Variants in THAP4 observed in about 807,000 individuals in gnomAD.
THAP4 encodes the protein peroxynitrite isomerase THAP4.
A neutral mutation model predicts 48.1 loss-of-function variants in THAP4; 18 were observed. The observed-to-expected ratio is 0.37, with a 90% CI of 0.26 to 0.56. The LOEUF (loss-of-function observed/expected upper bound fraction) is 0.56. THAP4 is among the 20% of genes least tolerant of loss of function. The probability of loss-of-function intolerance (pLI) is 0.78; values close to 1 mark genes in which losing one functional copy is unlikely to be tolerated. For synonymous variants in THAP4, 345 were observed against 324.9 expected, an observed-to-expected ratio of 1.06 and a Z score of -0.66; for missense variants, 656 against 774.9, an observed-to-expected ratio of 0.85 and a Z score of 1.82.
At chr2:241,629,623 G>A (rs1219887122) in intron 2 of THAP4, among the ~76,000 whole-genome samples, 2 of 151,826 alleles carry the variant, frequency 1.3e-5, no homozygotes, top group Non-Finnish European at 2.9e-5. Flanking sequence ...TCTACAAAAA[G>A]ACTTTTGGAT....
intron 5 of THAP4, among the ~76,000 whole-genome samples, chr2:241,595,834 G>A (rs565319120): frequency 3.9e-5 from 6 of 152,312 alleles, no homozygotes; most frequent in East Asian, 3.9e-4. Flanking sequence ...CAGACACTGG[G>A]AGCAAGAACC....
intron 5 of THAP4, among the ~76,000 whole-genome samples, chr2:241,598,234 A>G (rs1234979871): frequency 6.6e-6 from 1 of 152,210 alleles, no homozygotes; most frequent in Non-Finnish European, 1.5e-5. Context: ...ACAAAGTAAA[A>G]GCACAGCTTA....
chr2:241,618,583 A>G (rs1425483365), intron 2 of THAP4, among the ~76,000 whole-genome samples: 2 of 152,234 alleles, frequency 1.3e-5, no homozygotes, highest in East Asian at 3.8e-4. Context: ...GTGAAAATCA[A>G]CAACTTTTCT....
In THAP4 at chr2:241,633,525, G is replaced by A. The variant is rs1308950384; in HGVS notation, c.632C>T (p.Thr211Ile). 1.2e-6 allele frequency: 2 copies of A among 1,613,994 alleles called. No individual in the cohort carries two copies. The highest frequency in any genetic ancestry group is 1.7e-6 in the Non-Finnish European group (2 of 1,180,028). The change falls in exon 2 of 6, where the codon ACA becomes ATA. Residue 211 changes from threonine (T) to isoleucine (I), a missense_variant. By Grantham distance (89) the Thr-to-Ile change is moderately conservative. This residue lies in a region of THAP4 where 391 missense variants were observed against 412.4 expected (regional missense o/e 0.95). Coordinates refer to ENST00000407315, the MANE Select transcript of THAP4 (RefSeq NM_015963.6). This position sits in a 1 kb window ranked among gnomAD's most constrained non-coding sequence, Gnocchi z 7.5. The part of the protein sequence containing the change: ...SATSSIEGGV[T>I]DKSGISMDDF... ...ATCCATAGAAATGCCACTCTTATCT[G>A]TCACGCCCCCTTCGATGGAGGAAGT...
At chr2:241,600,086 C>T (rs2067093821) in intron 5 of THAP4, among the ~76,000 whole-genome samples, 2 of 152,154 alleles carry the variant, frequency 1.3e-5, no homozygotes, top group Non-Finnish European at 2.9e-5. Context: ...ATCCCAGCTA[C>T]TCGGGAGGCT....
chr2:241,637,487 C>T, upstream of THAP4: 1 of 1,449,770 alleles, frequency 6.9e-7, no homozygotes, highest in Non-Finnish European at 9.0e-7. Context: ...CAGAACCAGC[C>T]GTCGTCCCAC....
chr2:241,606,345 A>T lies in THAP4; in HGVS notation c.1369T>A (p.Ser457Thr). ...TTCAGCATGGGCTGGCCCACGTGGGAGATGTGAACCTCCTCCAGGTACTGG... is the reference window on the plus strand; with the variant it reads ...TTCAGCATGGGCTGGCCCACGTGGGTGATGTGAACCTCCTCCAGGTACTGG... ...PFQYLEEVHI[S>T]HVGQPMLNFS... Residue 457 changes from serine to threonine, a missense_variant, in exon 3 of 6, where the codon TCC (serine) becomes ACC (threonine). Ser to Thr is a moderately conservative substitution (Grantham distance 58, BLOSUM62 1). Coordinates refer to ENST00000407315, the MANE Select transcript of THAP4 (RefSeq NM_015963.6). The T allele has an allele frequency of 6.4e-7, 1 of 1,567,578 alleles. No individual in the cohort carries two copies. Among genetic ancestry groups the T allele is most frequent in the Non-Finnish European group, 8.7e-7 (1 of 1,155,886 alleles).
At chr2:241,613,582 T>C (rs1014505001) in intron 2 of THAP4, among the ~76,000 whole-genome samples, 1 of 151,100 alleles carries the variant, frequency 6.6e-6, no homozygotes, top group African/African-American at 2.4e-5. Flanking sequence ...AGCAAAACAC[T>C]GTCTCTACCA....
Position 241,632,991 on chromosome 2 carries a change from T to C in THAP4, c.1166A>G (p.Lys389Arg). 6.2e-7 allele frequency: 1 copy of C among 1,613,766 alleles called. No homozygotes were observed. The highest frequency in any genetic ancestry group is 8.5e-7 in the Non-Finnish European group (1 of 1,179,936). The change falls in exon 2 of 6, where the codon AAG becomes AGG. Residue 389 changes from lysine to arginine, a missense_variant. Coordinates refer to ENST00000407315, the MANE Select transcript of THAP4 (RefSeq NM_015963.6). ...CAGCTCATCCAGCTTCTCCTGTAGC[T>C]TCCGCACCTGGCTGTCGGAGCGGCT... Reference protein sequence around the residue: ...RVSRSDSQVRKLQEKLDELRR... With the variant: ...RVSRSDSQVRRLQEKLDELRR...
intron 5 of THAP4, among the ~76,000 whole-genome samples, chr2:241,593,362 G>A (rs1244949899): frequency 1.3e-5 from 2 of 152,240 alleles, no homozygotes; most frequent in African/African-American, 2.4e-5. Flanking sequence ...TCCCGGGTGA[G>A]GACAGCACTG....
chr2:241,615,944 A>G (rs1470249550), intron 2 of THAP4, among the ~76,000 whole-genome samples: 1 of 152,192 alleles, frequency 6.6e-6, no homozygotes, highest in Admixed American at 6.5e-5. Flanking sequence ...ACACAGGCCC[A>G]GCCCGGCTGG....
At chr2:241,602,578 C>T (rs777179316) in intron 4 of THAP4, among the ~76,000 whole-genome samples, 10 of 152,168 alleles carry the variant, frequency 6.6e-5, no homozygotes, top group African/African-American at 1.2e-4. Flanking sequence ...GTTGGCCAGG[C>T]TGGTCTTGAA....
chr2:241,595,685 T>C (rs2067038723), intron 5 of THAP4, among the ~76,000 whole-genome samples: 1 of 149,058 alleles, frequency 6.7e-6, no homozygotes, highest in Non-Finnish European at 1.5e-5. Context: ...GAGTGACAGG[T>C]ATATGGCAAA....
intron 5 of THAP4, among the ~76,000 whole-genome samples, chr2:241,590,313 C>G (rs1180216147): frequency 9.3e-4 from 136 of 145,932 alleles, no homozygotes; most frequent in South Asian, 6.2e-3. Context: ...ATGAGGGGCA[C>G]TAGGACACTC....
At position 241,592,774 on chromosome 2, in the gene THAP4, C is replaced by T. The variant is rs190182225; in HGVS notation, c.1615-8049G>A. Among the ~76,000 whole-genome samples, 449 of 152,302 alleles carry T rather than the reference C, an allele frequency of 2.9e-3. 2 individuals carry two copies. The highest frequency in any genetic ancestry group is 5.0e-3 in the Non-Finnish European group (341 of 68,020). On this transcript the variant is annotated intron_variant, in intron 5 of 5. Transcript: ENST00000407315. ...ATCCACATGCAGACACCGTGTCTGACGCTATGGCCGGCAGCATCAATCCTG... is the reference window on the plus strand; with the variant it reads ...ATCCACATGCAGACACCGTGTCTGATGCTATGGCCGGCAGCATCAATCCTG...
Position 241,636,927 on chromosome 2 carries a change from C to T in THAP4, c.77+14G>A. On this transcript the variant is annotated intron_variant, in intron 1 of 5. Transcript: ENST00000407315. ...GGGTCGGGGCGGGGGCGTGGCGGCC[C>T]GGGGCCCGCGTACCTGTGGAAGGAG... 8.1e-7 allele frequency: 1 copy of T among 1,239,640 alleles called. No individual in the cohort carries two copies. The highest frequency in any genetic ancestry group is 2.7e-5 in the Admixed American group (1 of 37,562). The allele number at this position is 1,239,640 out of a possible 1,614,324, so 76.8% of individuals were successfully genotyped here.
intron 3 of THAP4, among the ~76,000 whole-genome samples, chr2:241,606,027 G>A (rs1033382475): frequency 3.3e-5 from 5 of 152,150 alleles, no homozygotes; most frequent in Non-Finnish European, 7.3e-5. Context: ...GATTAATTTT[G>A]ATACATAAAT....
chr2:241,615,367 CAAATT>C (rs1295435762), intron 2 of THAP4, among the ~76,000 whole-genome samples: 3 of 152,140 alleles, frequency 2.0e-5, no homozygotes, highest in African/African-American at 7.2e-5. Context: ...CCTCCCCAAA[CAAATT>C]AATATTTCAA....
At chr2:241,635,058 A>G (rs1314352493) in intron 1 of THAP4, among the ~76,000 whole-genome samples, 1 of 152,184 alleles carries the variant, frequency 6.6e-6, no homozygotes, top group African/African-American at 2.4e-5. Flanking sequence ...ATAATTCTGG[A>G]GGTGGATGGT....
Sources: allele counts gnomAD v4.1 joint callset (sites outside exome capture counted in the v4.1 genomes callset), GRCh38; gene constraint gnomAD v4.1.1; regional missense constraint gnomAD v4.1.1; non-coding constraint Gnocchi (gnomAD v3.1); transcripts MANE v1.5; gene names NCBI Gene and HGNC (gene_info 2026-07-23, HGNC 2026-07-21).